The following MDFIC variants were observed in gnomAD, a reference collection of about 807,000 sequenced individuals.
MDFIC encodes myoD family inhibitor domain-containing protein.
In MDFIC, 17 loss-of-function variants were observed where a neutral mutation model predicts 23.2. That is an observed-to-expected ratio of 0.73 (90% CI 0.50 to 1.10). The LOEUF (loss-of-function observed/expected upper bound fraction) is 1.10, where lower values mean the gene tolerates loss of function less well. Among genes scored for constraint, MDFIC ranks in the 50% least tolerant of loss-of-function variants. The pLI is 0.00. For missense variants in MDFIC, 356 were observed against 316.6 expected (o/e 1.12, Z -0.95); for synonymous variants, 120 against 115.2 (o/e 1.04, Z -0.27).
At chr7:114,988,569 T>C (rs1793551360) in intron 4 of MDFIC, among the ~76,000 whole-genome samples, 1 of 152,130 alleles carries the variant, frequency 6.6e-6, no homozygotes, top group Non-Finnish European at 1.5e-5. Context: ...TAAATCTGGG[T>C]AGATTTGGAA....
intron 2 of MDFIC, among the ~76,000 whole-genome samples, chr7:114,926,677 A>G (rs1273433650): frequency 6.6e-6 from 1 of 152,212 alleles, no homozygotes; most frequent in Non-Finnish European, 1.5e-5. Flanking sequence ...CAGTGAAGTT[A>G]ATTAAAAATA....
At position 114,953,075 on chromosome 7, in the gene MDFIC, T is replaced by A. The variant is rs531582890; in HGVS notation, c.217+10678T>A. Among the ~76,000 whole-genome samples the A allele has an allele frequency of 1.2e-4, 19 of 152,340 alleles. No individual in the cohort carries two copies. In the South Asian group the frequency reaches 3.7e-3, roughly 30 times the overall value. On this transcript the variant is annotated intron_variant, in intron 3 of 4. Transcript: ENST00000393486. ...TTTTTAATCTTACCAAATGGTTTTGTGTAAAAATATTTACTACAGAACATG... is the reference window on the plus strand; with the variant it reads ...TTTTTAATCTTACCAAATGGTTTTGAGTAAAAATATTTACTACAGAACATG...
intron 2 of MDFIC, among the ~76,000 whole-genome samples, chr7:114,936,137 A>T (rs959210102): frequency 2.0e-5 from 3 of 152,172 alleles, no homozygotes; most frequent in Non-Finnish European, 4.4e-5. Flanking sequence ...CCACATCATT[A>T]GTGGTGGACC....
At chr7:114,986,032 GTTTT>G (rs11314179) in intron 4 of MDFIC, among the ~76,000 whole-genome samples, 4 of 138,386 alleles carry the variant, frequency 2.9e-5, no homozygotes, top group East Asian at 2.1e-4. Flanking sequence ...TACCTTTGCA[GTTTT>G]TTTTTTTTTT....
At position 114,942,383 on chromosome 7, in the gene MDFIC, G is replaced by A. The variant is rs1487214369; in HGVS notation, c.203G>A (p.Gly68Asp). The stretch of plus-strand genomic sequence containing the variant: ...TCCATTTGGGGAAATCCTTCGGATG[G>A]TGAACTCATTAGAAGTAAGTATTTT... ...DQSIWGNPSDGELIRTQPQRL... is the reference protein window; with the variant it reads ...DQSIWGNPSDDELIRTQPQRL... The change falls in exon 3 of 5, where the codon GGT becomes GAT. Residue 68 changes from glycine to aspartate, a missense_variant. Coordinates refer to ENST00000393486, the MANE Select transcript of MDFIC (RefSeq NM_001166345.3). 1.9e-6 allele frequency: 3 copies of A among 1,599,382 alleles called. No homozygotes were observed. The highest frequency in any genetic ancestry group is 1.7e-4 in the Middle Eastern group (1 of 5,984).
At chr7:114,972,073 C>T (rs1001034142) in intron 3 of MDFIC, among the ~76,000 whole-genome samples, 2 of 152,014 alleles carry the variant, frequency 1.3e-5, no homozygotes, top group Admixed American at 1.3e-4. Context: ...TAGGCCTCCC[C>T]GTACATAGGA....
intron 3 of MDFIC, among the ~76,000 whole-genome samples, chr7:114,956,089 TAG>T (rs1261050323): frequency 2.0e-5 from 3 of 152,134 alleles, no homozygotes; most frequent in Non-Finnish European, 1.5e-5. Flanking sequence ...TGTGGTCCTC[TAG>T]AGAGTGTTAG....
chr7:114,926,287 A>G (rs1792188575), intron 2 of MDFIC, among the ~76,000 whole-genome samples: 1 of 152,216 alleles, frequency 6.6e-6, no homozygotes, highest in Non-Finnish European at 1.5e-5. Flanking sequence ...AAGGGAAAGG[A>G]TGTCCAAAGA....
intron 4 of MDFIC, among the ~76,000 whole-genome samples, chr7:114,990,734 A>T (rs1793593333): frequency 6.6e-6 from 1 of 152,146 alleles, no homozygotes; most frequent in Admixed American, 6.5e-5. Flanking sequence ...ACATTTTCTT[A>T]ATCTAGTCTG....
At chr7:114,930,182 C>G (rs1413887936) in intron 2 of MDFIC, among the ~76,000 whole-genome samples, 1 of 152,130 alleles carries the variant, frequency 6.6e-6, no homozygotes, top group Non-Finnish European at 1.5e-5. Flanking sequence ...GGCATGAATT[C>G]TTAGTGGAAG....
At chr7:114,991,057 G>A (rs989060155) in intron 4 of MDFIC, among the ~76,000 whole-genome samples, 1 of 151,892 alleles carries the variant, frequency 6.6e-6, no homozygotes, top group African/African-American at 2.4e-5. Flanking sequence ...GGTGTGAGAT[G>A]GTATCTCATT....
rs754402968 is a variant in MDFIC, at chr7:114,923,048, C to A, written c.15C>A (p.Gly5=). Residue 5 remains glycine, a synonymous_variant, in exon 2 of 5, where the codon GGC becomes GGA. Coordinates refer to ENST00000393486, the MANE Select transcript of MDFIC (RefSeq NM_001166345.3). MSGA[G]EALAPGPVGP... ...CGGAGCGGCCCATGTCCGGCGCGGGCGAAGCCCTCGCTCCCGGGCCCGTGG... is the reference window on the plus strand; with the variant it reads ...CGGAGCGGCCCATGTCCGGCGCGGGAGAAGCCCTCGCTCCCGGGCCCGTGG... 2 of 1,358,446 alleles carry A rather than the reference C, an allele frequency of 1.5e-6. No homozygotes were observed. The highest frequency in any genetic ancestry group is 8.1e-5 in the Admixed American group (2 of 24,546). 84.1% of individuals were successfully genotyped at this position (1,358,446 alleles called of 1,614,324 possible). A position where few individuals can be genotyped will look rare whatever the true frequency, so the allele number is the denominator to read the frequency against.
At position 115,013,981 on chromosome 7, in the gene MDFIC, G is replaced by T. The variant is rs555540424; in HGVS notation, c.494-1707G>T. The T allele has an allele frequency of 2.9e-4, 290 of 985,184 alleles. 2 individuals are homozygous for T. In the South Asian group the frequency reaches 0.012, roughly 41 times the overall value. 61.0% of individuals were successfully genotyped at this position (985,184 alleles called of 1,614,324 possible). A position where few individuals can be genotyped will look rare whatever the true frequency, so the allele number is the denominator to read the frequency against. On this transcript the variant is annotated intron_variant, in intron 4 of 4. Transcript: ENST00000393486. ...TGTTTTTGTTTTTGTTTTTCCAGTC[G>T]CTGCATGGACCATCATATGTAAAAG...
chr7:114,989,070 C>T lies in MDFIC; in HGVS notation c.493+9289C>T, dbSNP rs191827979. On this transcript the variant is annotated intron_variant, in intron 4 of 4. Coordinates refer to ENST00000393486, the MANE Select transcript of MDFIC (RefSeq NM_001166345.3). ...GACAGTAAGTCAGAGTAAGGCCATACTGATAAAATAGCCTAGAGGAGAGGT... is the reference window on the plus strand; with the variant it reads ...GACAGTAAGTCAGAGTAAGGCCATATTGATAAAATAGCCTAGAGGAGAGGT... Among the ~76,000 whole-genome samples the T allele has an allele frequency of 8.6e-5, 13 of 152,014 alleles. No individual in the cohort carries two copies. The East Asian group carries it at 2.5e-3, about 29-fold the overall frequency.
Position 114,979,700 on chromosome 7 carries a change from A to C in MDFIC, c.412A>C (p.Ser138Arg). Reference protein sequence around the residue: ...SQKMHRKIQSSLSVNSDISKK... With the variant: ...SQKMHRKIQSRLSVNSDISKK... ...AAAAATGCATAGAAAAATTCAGTCC[A>C]GCTTGTCTGTAAACAGCGATATCAG... is the stretch of plus-strand genomic sequence containing the variant. Residue 138 changes from serine (S) to arginine (R), a missense_variant, in exon 4 of 5, where the codon AGC (serine) becomes CGC (arginine). Transcript: ENST00000393486. 6.2e-7 allele frequency: 1 copy of C among 1,614,166 alleles called. No individual in the cohort carries two copies. The highest frequency in any genetic ancestry group is 1.7e-5 in the Admixed American group (1 of 60,010).
intron 4 of MDFIC, among the ~76,000 whole-genome samples, chr7:114,985,181 T>C (rs893051800): frequency 1.3e-5 from 2 of 152,188 alleles, no homozygotes; most frequent in African/African-American, 4.8e-5. Context: ...GTCTCATCTC[T>C]AAAATGGTGA....
Position 114,948,890 on chromosome 7 carries a change from A to AGACT in MDFIC, c.217+6495_217+6498dup, listed in dbSNP as rs377523373. Among the ~76,000 whole-genome samples the AGACT allele has an allele frequency of 3.2e-3, 488 of 152,336 alleles. 5 individuals are homozygous for AGACT. Among genetic ancestry groups the AGACT allele is most frequent in the African/African-American group, 0.01 (423 of 41,584 alleles). On this transcript the variant is annotated intron_variant, in intron 3 of 4. Coordinates refer to ENST00000393486, the MANE Select transcript of MDFIC (RefSeq NM_001166345.3). ...GAATTTGCAGAGTGTAAGAAAAAAG[A>AGACT]GACTGCTTTACAATTTATGGAAGTA...
chr7:114,930,669 T>C (rs1792292313), intron 2 of MDFIC, among the ~76,000 whole-genome samples: 1 of 152,178 alleles, frequency 6.6e-6, no homozygotes, highest in South Asian at 2.1e-4. Context: ...ATTATGTTTC[T>C]ATAATAATAA....
intron 4 of MDFIC, among the ~76,000 whole-genome samples, chr7:114,997,296 T>C (rs1433810283): frequency 1.3e-5 from 2 of 152,088 alleles, no homozygotes; most frequent in African/African-American, 4.8e-5. Flanking sequence ...AATGAACTAG[T>C]AGAGGAGACA....
Sources: gnomAD v4.1 joint callset for allele counts (sites outside exome capture counted in the v4.1 genomes callset) on GRCh38, gnomAD v4.1.1 for gene constraint, MANE v1.5 for transcripts, NCBI Gene and HGNC (gene_info 2026-07-23, HGNC 2026-07-21) for gene names.